GDPD4: variants seen among roughly 807,000 people sequenced by gnomAD.
The protein encoded by GDPD4 is glycerophosphodiester phosphodiesterase 6.
A neutral mutation model predicts 67.8 loss-of-function variants in GDPD4; 60 were observed. That is an observed-to-expected ratio of 0.88 (90% CI 0.72 to 1.10). The LOEUF is 1.10. Ranked by LOEUF, GDPD4 falls within the 50% of genes least tolerant of loss-of-function variation. The pLI is 0.00. For missense variants in GDPD4, 623 were observed against 613.9 expected, an observed-to-expected ratio of 1.01 and a Z score of -0.16; for synonymous variants, 212 against 210.9, an observed-to-expected ratio of 1.00 and a Z score of -0.04.
chr11:77,279,612 C>T (rs969473912), intron 3 of GDPD4, among the ~76,000 whole-genome samples: 1 of 151,432 alleles, frequency 6.6e-6, no homozygotes, highest in Admixed American at 6.6e-5. Flanking sequence ...GGTCTGTAAA[C>T]GCAGTAGGAT....
chr11:77,244,606 A>G (rs1958744111), intron 12 of GDPD4, among the ~76,000 whole-genome samples: 1 of 152,128 alleles, frequency 6.6e-6, no homozygotes, highest in East Asian at 1.9e-4. Flanking sequence ...TGGAAGGCCG[A>G]GGCAAGAGGA....
chr11:77,297,472 C>T (rs1475752479), intron 1 of GDPD4, among the ~76,000 whole-genome samples: 1 of 148,090 alleles, frequency 6.8e-6, no homozygotes, highest in African/African-American at 2.5e-5. Context: ...GGAGGCGGAG[C>T]TTGCAGTGAG....
At chr11:77,291,916 G>C (rs574295701) in intron 1 of GDPD4, among the ~76,000 whole-genome samples, 2 of 152,282 alleles carry the variant, frequency 1.3e-5, no homozygotes, top group Admixed American at 6.5e-5. Flanking sequence ...TGTAATCCCA[G>C]CTCCTTGGGA....
intron 9 of GDPD4, 75 bp downstream of exon 9, chr11:77,268,849 G>T: frequency 6.9e-7 from 1 of 1,445,838 alleles, no homozygotes; most frequent in South Asian, 1.3e-5. Context: ...GGGCTTCCAT[G>T]GTTCTCTTTT....
Position 77,229,175 on chromosome 11 carries a change from T to G in GDPD4, c.1447A>C (p.Ile483Leu). ...CAGTGAAAACAAAATATGGCAACAA[T>G]AAAAAGCACAGAAATGATATCTGCA... is the stretch of plus-strand genomic sequence containing the variant. ...LLADIISVLF[I>L]VAIFCFHWRR... Residue 483 changes from isoleucine to leucine, a missense_variant, in exon 15 of 17, where the codon ATT becomes CTT. Ile to Leu is a conservative substitution (Grantham distance 5, BLOSUM62 2). Transcript: ENST00000315938. The G allele has an allele frequency of 6.2e-7, 1 of 1,604,270 alleles. No individual in the cohort carries two copies. Among genetic ancestry groups the G allele is most frequent in the Middle Eastern group, 1.7e-4 (1 of 5,856 alleles).
intron 2 of GDPD4, 79 bp from the exon 3 acceptor site, chr11:77,285,266 G>A: frequency 1.4e-6 from 1 of 703,374 alleles, no homozygotes; most frequent in South Asian, 1.8e-5. Flanking sequence ...ACTTGCCAAA[G>A]GTCAGCATAG....
At chr11:77,264,686 G>A (rs946929090) in intron 10 of GDPD4, among the ~76,000 whole-genome samples, 1 of 152,196 alleles carries the variant, frequency 6.6e-6, no homozygotes, top group African/African-American at 2.4e-5. Context: ...GCCTGATTGG[G>A]ATAGGCTCAA....
chr11:77,240,138 A>AC (rs1591538620), intron 13 of GDPD4, among the ~76,000 whole-genome samples: 1 of 151,798 alleles, frequency 6.6e-6, no homozygotes, highest in East Asian at 1.9e-4. Flanking sequence ...AATAAAAAAA[A>AC]AATCCTTAAA....
intron 16 of GDPD4, among the ~76,000 whole-genome samples, chr11:77,218,100 T>C (rs1021146521): frequency 6.6e-6 from 1 of 152,006 alleles, no homozygotes; most frequent in African/African-American, 2.4e-5. Flanking sequence ...GCTTCCATTT[T>C]TTTTTTTGTC....
chr11:77,271,668 A>T (rs1959229597), intron 5 of GDPD4, among the ~76,000 whole-genome samples: 1 of 152,228 alleles, frequency 6.6e-6, no homozygotes, highest in South Asian at 2.1e-4. Context: ...TACTATCTCC[A>T]GCCTCAGCTG....
intron 3 of GDPD4, among the ~76,000 whole-genome samples, chr11:77,281,300 A>G (rs1396375067): frequency 1.3e-5 from 2 of 152,192 alleles, no homozygotes; most frequent in African/African-American, 4.8e-5. Flanking sequence ...AATGTTTTAT[A>G]TCAGCATCAC....
At chr11:77,245,100 A>T (rs1958754103) in intron 12 of GDPD4, among the ~76,000 whole-genome samples, 181 bp downstream of exon 12, 1 of 152,222 alleles carries the variant, frequency 6.6e-6, no homozygotes, top group Admixed American at 6.5e-5. Flanking sequence ...GATAAATTTA[A>T]CTGGGTCATT....
chr11:77,291,200 G>A (rs1325808608), intron 1 of GDPD4, among the ~76,000 whole-genome samples: 1 of 152,188 alleles, frequency 6.6e-6, no homozygotes, highest in Non-Finnish European at 1.5e-5. Flanking sequence ...AAAAGAAAAT[G>A]AAATTCTGTC....
intron 1 of GDPD4, among the ~76,000 whole-genome samples, chr11:77,294,771 G>A (rs755547738): frequency 5.3e-5 from 8 of 152,192 alleles, no homozygotes; most frequent in Admixed American, 1.3e-4. Flanking sequence ...CCAAGATAGC[G>A]TGGAATCAGC....
At chr11:77,254,881 T>A (rs1176040123) in intron 11 of GDPD4, among the ~76,000 whole-genome samples, 1 of 152,206 alleles carries the variant, frequency 6.6e-6, no homozygotes, top group African/African-American at 2.4e-5. Flanking sequence ...ACCCAACCAA[T>A]AAAGAATCAT....
intron 14 of GDPD4, among the ~76,000 whole-genome samples, chr11:77,229,665 T>C (rs1958417746): frequency 1.3e-5 from 2 of 152,232 alleles, no homozygotes; most frequent in Admixed American, 6.5e-5. Flanking sequence ...TGGGTCTCAC[T>C]AGACACCTAA....
intron 1 of GDPD4, among the ~76,000 whole-genome samples, chr11:77,297,051 C>T (rs1238711390): frequency 1.4e-5 from 1 of 70,200 alleles, no homozygotes; most frequent in African/African-American, 4.6e-5. Flanking sequence ...GAGACTGCCT[C>T]AAAAAAAACA....
intron 13 of GDPD4, among the ~76,000 whole-genome samples, chr11:77,233,732 A>C (rs140459846): frequency 7.9e-5 from 12 of 152,350 alleles, no homozygotes; most frequent in Non-Finnish European, 1.6e-4. Flanking sequence ...TAAGCAAACT[A>C]AAAGCAGAGA....
At chr11:77,279,892 A>G (rs1000981231) in intron 3 of GDPD4, among the ~76,000 whole-genome samples, 1 of 152,196 alleles carries the variant, frequency 6.6e-6, no homozygotes, top group Non-Finnish European at 1.5e-5. Context: ...ATGATTTGTT[A>G]GGAGAAACAA....
Sources: allele counts gnomAD v4.1 joint callset (sites outside exome capture counted in the v4.1 genomes callset), GRCh38; gene constraint gnomAD v4.1.1; transcripts MANE v1.5; gene names NCBI Gene and HGNC (gene_info 2026-07-23, HGNC 2026-07-21).